Variants in UBR3 observed in about 807,000 individuals in gnomAD.
The protein encoded by UBR3 is ubiquitin protein ligase E3 component n-recognin 3.
Under a neutral mutation model 243.2 loss-of-function variants are expected in UBR3, and 85 were observed. The ratio of observed to expected loss-of-function variants is 0.35; its 90% CI spans 0.29 to 0.42. The LOEUF is 0.42. UBR3 is among the 10% of genes least tolerant of loss of function. The probability of loss-of-function intolerance (pLI) is 1.00; values close to 1 mark genes in which losing one functional copy is unlikely to be tolerated. For missense variants in UBR3, 1,686 were observed against 2,300.8 expected (o/e 0.73, Z 5.47); for synonymous variants, 748 against 799.8 (o/e 0.94, Z 1.09).
intron 1 of UBR3, among the ~76,000 whole-genome samples, chr2:169,853,245 GGAGGCA>G (rs2082726051): frequency 6.6e-6 from 1 of 152,186 alleles, no homozygotes; most frequent in Admixed American, 6.5e-5. Flanking sequence ...GAGCTGGGCA[GGAGGCA>G]GACAATTATT....
At chr2:169,926,365 A>G (rs1361020912) in intron 14 of UBR3, among the ~76,000 whole-genome samples, 5 of 152,208 alleles carry the variant, frequency 3.3e-5, no homozygotes, top group Non-Finnish European at 5.9e-5. Flanking sequence ...AGGCAGGCAG[A>G]TCACTTGAGG....
At chr2:169,988,823 T>G (rs2105390157) in intron 25 of UBR3, among the ~76,000 whole-genome samples, 1 of 152,122 alleles carries the variant, frequency 6.6e-6, no homozygotes, top group Non-Finnish European at 1.5e-5. Context: ...AAAAAGAAAC[T>G]GACATTAAAG....
intron 1 of UBR3, among the ~76,000 whole-genome samples, chr2:169,849,553 C>T (rs1327535591): frequency 6.6e-6 from 1 of 152,190 alleles, no homozygotes; most frequent in Non-Finnish European, 1.5e-5. Context: ...CCTTGACCTC[C>T]CAAAGTGTTG....
intron 5 of UBR3, 71 bp downstream of exon 5, chr2:169,878,645 T>G: frequency 7.7e-7 from 1 of 1,294,510 alleles, no homozygotes; most frequent in Non-Finnish European, 1.1e-6. Context: ...TATTATTTTA[T>G]ACTTCTTTAT....
intron 1 of UBR3, among the ~76,000 whole-genome samples, chr2:169,861,022 C>G (rs1174374028): frequency 6.6e-6 from 1 of 152,160 alleles, no homozygotes; most frequent in Non-Finnish European, 1.5e-5. Context: ...CAGGATGCAT[C>G]CAGCACGGGA....
chr2:169,877,363 C>T, intron 3 of UBR3, 131 bp from the exon 4 acceptor site: 1 of 766,696 alleles, frequency 1.3e-6, no homozygotes, highest in Non-Finnish European at 2.0e-6. Flanking sequence ...TTGAAGCTAT[C>T]TTATATTATT....
intron 1 of UBR3, among the ~76,000 whole-genome samples, chr2:169,858,228 C>G (rs982367516): frequency 6.6e-6 from 1 of 152,136 alleles, no homozygotes; most frequent in Admixed American, 6.5e-5. Flanking sequence ...GGAGGATCGA[C>G]TTCTAAGTGG....
At chr2:169,925,831 G>A in intron 14 of UBR3, 84 bp downstream of exon 14, 1 of 1,274,914 alleles carries the variant, frequency 7.8e-7, no homozygotes, top group African/African-American at 1.5e-5. Context: ...GTGACTGCGT[G>A]ATGACATGGA....
chr2:170,034,960 G>A (rs948833170), intron 31 of UBR3, among the ~76,000 whole-genome samples: 1 of 150,972 alleles, frequency 6.6e-6, no homozygotes, highest in Admixed American at 6.7e-5. Flanking sequence ...TTAAGCATCT[G>A]TATATCTTCT....
chr2:169,989,953 G>T (rs2089200816), intron 25 of UBR3, among the ~76,000 whole-genome samples: 1 of 152,062 alleles, frequency 6.6e-6, no homozygotes, highest in Non-Finnish European at 1.5e-5. Context: ...TTTTGGTGTG[G>T]CAAGTTACAA....
At position 169,942,495 on chromosome 2, in the gene UBR3, TA is replaced by T; in HGVS notation, c.2670del (p.Lys890AsnfsTer28). The T allele has an allele frequency of 6.5e-7, 1 of 1,545,840 alleles. No individual in the cohort carries two copies. On this transcript the variant is annotated frameshift_variant, in exon 20 of 39. Coordinates refer to ENST00000272793, the MANE Select transcript of UBR3 (RefSeq NM_172070.4). LOFTEE classifies it high-confidence loss of function. ...QSAMDRYTAF[L>X]KQSGKFPGNP... The stretch of plus-strand genomic sequence containing the variant: ...CTAGTTTTGTTTTATTTTTACAGTT[TA>T]AAACAGAGTGGAAAATTTCCTGGAA...
intron 32 of UBR3, among the ~76,000 whole-genome samples, chr2:170,049,830 A>G (rs1243576184): frequency 6.6e-6 from 1 of 152,170 alleles, no homozygotes; most frequent in Admixed American, 6.5e-5. Context: ...TATCTATCCT[A>G]ATGCCCACTT....
chr2:169,910,195 A>T (rs185834442), intron 10 of UBR3, among the ~76,000 whole-genome samples: 3 of 152,172 alleles, frequency 2.0e-5, no homozygotes, highest in Non-Finnish European at 4.4e-5. Context: ...CATATAGAAG[A>T]TATTTATCAC....
intron 24 of UBR3, among the ~76,000 whole-genome samples, chr2:169,984,444 A>G (rs2088903271): frequency 2.0e-5 from 3 of 152,174 alleles, no homozygotes; most frequent in Non-Finnish European, 4.4e-5. Flanking sequence ...AGTAACCAGT[A>G]TCATTACTTG....
At chr2:170,061,000 T>A in intron 33 of UBR3, 79 bp from the exon 34 acceptor site, 1 of 960,238 alleles carries the variant, frequency 1.0e-6, no homozygotes, top group Non-Finnish European at 1.5e-6. Context: ...AGTTTTACTC[T>A]ACTCATTAAA....
intron 28 of UBR3, among the ~76,000 whole-genome samples, 174 bp from the exon 29 acceptor site, chr2:170,008,630 T>A (rs1574387712): frequency 6.6e-6 from 1 of 152,088 alleles, no homozygotes; most frequent in South Asian, 2.1e-4. Flanking sequence ...GTTTAGAGAG[T>A]ATTTTTTGAT....
chr2:170,043,804 TTGTGC>T (rs1199924700), intron 32 of UBR3, among the ~76,000 whole-genome samples: 1 of 152,190 alleles, frequency 6.6e-6, no homozygotes, highest in Non-Finnish European at 1.5e-5. Context: ...CTTTTAAAAC[TTGTGC>T]TTTATATTAT....
At chr2:169,999,937 ACCAACATGGAGAAACCCT>A (rs2089634504) in intron 26 of UBR3, among the ~76,000 whole-genome samples, 3 of 152,092 alleles carry the variant, frequency 2.0e-5, no homozygotes, top group Non-Finnish European at 4.4e-5. Flanking sequence ...GACCAGCCTG[ACCAACATGGAGAAACCCT>A]GTCTCTACTA....
At chr2:170,080,983 A>G (rs778176427) in intron 38 of UBR3, among the ~76,000 whole-genome samples, 21 of 152,076 alleles carry the variant, frequency 1.4e-4, no homozygotes, top group Non-Finnish European at 4.4e-5. Context: ...TGAGCCCAGG[A>G]GTTTGAGACC....
Sources: allele counts gnomAD v4.1 joint callset (sites outside exome capture counted in the v4.1 genomes callset), GRCh38; gene constraint gnomAD v4.1.1; transcripts MANE v1.5; gene names NCBI Gene and HGNC (gene_info 2026-07-23, HGNC 2026-07-21).